Variants in RYR3 observed in about 807,000 individuals in gnomAD.
The protein encoded by RYR3 is brain ryanodine receptor-calcium release channel.
RYR3 carries 207 observed loss-of-function variants against 584.3 expected under a neutral mutation model. That is an observed-to-expected ratio of 0.35 (90% CI 0.32 to 0.40). The LOEUF is 0.40. RYR3 is among the 10% of genes least tolerant of loss of function. The probability of loss-of-function intolerance (pLI) is 1.00; values close to 1 mark genes in which losing one functional copy is unlikely to be tolerated. For missense variants in RYR3, 5,616 were observed against 6,089.2 expected, an observed-to-expected ratio of 0.92 and a Z score of 2.59; for synonymous variants, 2,416 against 2,248.5, an observed-to-expected ratio of 1.07 and a Z score of -2.11.
chr15:33,738,619 A>G (rs543753055), intron 50 of RYR3, 29 bp downstream of exon 50: 2 of 1,612,268 alleles, frequency 1.2e-6, no homozygotes, highest in East Asian at 4.5e-5. Flanking sequence ...GAACAAAAAG[A>G]GAGCATCTCA....
Position 33,865,411 on chromosome 15 carries a change from C to G in RYR3, c.*185C>G, listed in dbSNP as rs556708485. The G allele has an allele frequency of 2.7e-5, 15 of 549,548 alleles. No homozygotes were observed. The highest frequency in any genetic ancestry group is 6.9e-4 in the Middle Eastern group (2 of 2,892). 34.0% of individuals were successfully genotyped at this position (549,548 alleles called of 1,614,324 possible). The stretch of plus-strand genomic sequence containing the variant: ...GCTTTTTGTGCCTAATGGACATACA[C>G]TGTGGGAGAGAACCTGTCAAAATGT... On this transcript the variant is annotated 3_prime_UTR_variant, in exon 104 of 104. Coordinates refer to ENST00000634891, the MANE Select transcript of RYR3 (RefSeq NM_001036.6).
rs564383576 is a variant in RYR3, at chr15:33,319,284, A to G, written c.51+8188A>G. On this transcript the variant is annotated intron_variant, in intron 1 of 103. Transcript: ENST00000634891. ...AGACTGTAAATAATACCGGGGCAGA[A>G]GGAGAGATCCCGTTGGCTACCACAT... 5.7e-4 allele frequency among the ~76,000 whole-genome samples: 85 copies of G among 150,238 alleles called. 2 individuals carry two copies. The South Asian group carries it at 0.018, about 31-fold the overall frequency.
rs543822410 is a variant in RYR3, at chr15:33,451,713, G to C, written c.52-21706G>C. On this transcript the variant is annotated intron_variant, in intron 1 of 103. Transcript: ENST00000634891. ...CAAGGAAGATGGAATCCCATGCAAA[G>C]TGAGAGACTAAAAAAGTTGAAGCCT... Among the ~76,000 whole-genome samples, 8 of 152,308 alleles carry C rather than the reference G, an allele frequency of 5.3e-5. No individual in the cohort carries two copies. In the East Asian group the frequency reaches 1.5e-3, roughly 29 times the overall value.
At chr15:33,539,301 G>A (rs2055604351) in intron 5 of RYR3, 49 bp from the exon 6 acceptor site, 1 of 1,239,646 alleles carries the variant, frequency 8.1e-7, no homozygotes, top group African/African-American at 1.5e-5. Flanking sequence ...CAAAATTAGG[G>A]ACACTGGCTT....
chr15:33,845,189 C>A, intron 93 of RYR3, 127 bp downstream of exon 93: 3 of 819,122 alleles, frequency 3.7e-6, no homozygotes, highest in Non-Finnish European at 5.8e-6. Flanking sequence ...CGTAGAGCAG[C>A]AGCAGCACAT....
intron 1 of RYR3, among the ~76,000 whole-genome samples, chr15:33,322,988 T>C (rs1022414357): frequency 6.6e-6 from 1 of 151,184 alleles, no homozygotes; most frequent in African/African-American, 2.4e-5. Context: ...TACAGTAAGG[T>C]AGACAAGAGT....
intron 10 of RYR3, among the ~76,000 whole-genome samples, chr15:33,561,099 TACTC>T (rs1269423993): frequency 2.0e-5 from 3 of 152,228 alleles, no homozygotes; most frequent in Non-Finnish European, 2.9e-5. Flanking sequence ...AAAGAAAAAT[TACTC>T]AGCTCTATAT....
At chr15:33,748,703 C>G (rs138264675) in intron 55 of RYR3, among the ~76,000 whole-genome samples, 173 bp downstream of exon 55, 1 of 152,272 alleles carries the variant, frequency 6.6e-6, no homozygotes, top group East Asian at 1.9e-4. Flanking sequence ...GCAGAGTGAA[C>G]CAATCCTCCA....
intron 3 of RYR3, among the ~76,000 whole-genome samples, chr15:33,514,316 G>T (rs982483616): frequency 6.6e-6 from 1 of 152,172 alleles, no homozygotes; most frequent in Non-Finnish European, 1.5e-5. Context: ...TCCAGACCCC[G>T]TTTCTCTGCT....
At chr15:33,432,603 TTC>T (rs1264291602) in intron 1 of RYR3, among the ~76,000 whole-genome samples, 2 of 147,920 alleles carry the variant, frequency 1.4e-5, no homozygotes, top group African/African-American at 2.6e-5. Context: ...CTTTTTTTCT[TTC>T]TTTTTTTTTT....
intron 2 of RYR3, among the ~76,000 whole-genome samples, chr15:33,480,424 G>A (rs1214425781): frequency 6.6e-6 from 1 of 152,228 alleles, no homozygotes; most frequent in East Asian, 1.9e-4. Flanking sequence ...TATTTAAGCA[G>A]TAGCATTTAG....
Position 33,660,391 on chromosome 15 carries a change from G to T in RYR3, c.4590G>T (p.Gln1530His). ...GWVVQCLEPL[Q>H]MMALHIPEEN... ...TGGTGCAGTGCCTGGAGCCCCTGCAGATGATGGCGCTCCACATCCCCGAGG... is the reference window on the plus strand; with the variant it reads ...TGGTGCAGTGCCTGGAGCCCCTGCATATGATGGCGCTCCACATCCCCGAGG... The change falls in exon 34 of 104, where the codon CAG becomes CAT. Residue 1530 changes from glutamine to histidine, a missense_variant. This residue lies in a region of RYR3 where 753 missense variants were observed against 741.0 expected (regional missense o/e 1.02). Transcript: ENST00000634891. 1.9e-6 allele frequency: 3 copies of T among 1,577,330 alleles called. No homozygotes were observed. The highest frequency in any genetic ancestry group is 2.6e-6 in the Non-Finnish European group (3 of 1,161,586).
At position 33,699,697 on chromosome 15, in the gene RYR3, C is replaced by A. The variant is rs1290992113; in HGVS notation, c.6250-7C>A. 1 of 1,613,170 alleles carries A rather than the reference C, an allele frequency of 6.2e-7. No homozygotes were observed. The highest frequency in any genetic ancestry group is 8.5e-7 in the Non-Finnish European group (1 of 1,179,446). On this transcript the variant is annotated splice_region_variant and splice_polypyrimidine_tract_variant and intron_variant, in intron 40 of 103. Coordinates refer to ENST00000634891, the MANE Select transcript of RYR3 (RefSeq NM_001036.6). Reference sequence around the variant, plus strand: ...TTTTGTCTGACACTTTCTACTTCTCCCTACAGATTGCATTTCCAAAGATGG... The same window carrying A: ...TTTTGTCTGACACTTTCTACTTCTCACTACAGATTGCATTTCCAAAGATGG...
chr15:33,359,908 A>G (rs1974525902), intron 1 of RYR3, among the ~76,000 whole-genome samples: 2 of 151,472 alleles, frequency 1.3e-5, no homozygotes, highest in African/African-American at 4.9e-5. Flanking sequence ...GGCGTGAGCC[A>G]CCGGGCCCGG....
At chr15:33,499,781 T>G (rs2051792644) in intron 2 of RYR3, among the ~76,000 whole-genome samples, 1 of 152,228 alleles carries the variant, frequency 6.6e-6, no homozygotes, top group South Asian at 2.1e-4. Context: ...CGATCAGAGA[T>G]TTGACTTCAG....
At chr15:33,846,910 A>T (rs576108321) in intron 93 of RYR3, 3 of 152,384 alleles carry the variant, frequency 2.0e-5, no homozygotes, top group Admixed American at 6.5e-5. Flanking sequence ...TTGAGATCCT[A>T]GAGTTCAGCT....
At chr15:33,708,835 C>T (rs1012723519) in intron 43 of RYR3, among the ~76,000 whole-genome samples, 18 of 152,176 alleles carry the variant, frequency 1.2e-4, no homozygotes, top group Admixed American at 5.2e-4. Context: ...TCCTGATGCA[C>T]GTGGCCCCTG....
intron 1 of RYR3, among the ~76,000 whole-genome samples, chr15:33,465,962 A>G (rs1596266053): frequency 6.6e-6 from 1 of 152,300 alleles, no homozygotes; most frequent in East Asian, 1.9e-4. Flanking sequence ...AATGTTCTGA[A>G]ATAAAGAAAA....
intron 20 of RYR3, 141 bp from the exon 21 acceptor site, chr15:33,628,330 C>A: frequency 1.7e-6 from 1 of 602,760 alleles, no homozygotes; most frequent in Non-Finnish European, 3.0e-6. Context: ...GGCTGGGGAG[C>A]ATGTGGGTCA....
Sources: gnomAD v4.1 joint callset for allele counts (sites outside exome capture counted in the v4.1 genomes callset) on GRCh38, gnomAD v4.1.1 for gene constraint, gnomAD v4.1.1 regional missense constraint, MANE v1.5 for transcripts, NCBI Gene and HGNC (gene_info 2026-07-23, HGNC 2026-07-21) for gene names.